Variants in TTN observed in about 807,000 individuals in gnomAD.
The protein encoded by TTN is titin, also known as connectin.
A neutral mutation model predicts 3,223.0 loss-of-function variants in TTN; 1,525 were observed. The ratio of observed to expected loss-of-function variants is 0.47; its 90% confidence interval spans 0.45 to 0.49. The LOEUF (loss-of-function observed/expected upper bound fraction) is 0.49. Among genes scored for constraint, TTN ranks in the 20% least tolerant of loss-of-function variants. The probability of loss-of-function intolerance (pLI) is 0.00; values close to 1 mark genes in which losing one functional copy is unlikely to be tolerated. For missense variants in TTN, 40,786 were observed against 43,424.0 expected, an observed-to-expected ratio of 0.94 and a Z score of 5.40; for synonymous variants, 14,094 against 15,161.0, an observed-to-expected ratio of 0.93 and a Z score of 5.17.
rs2073188841 is a variant in TTN at position 178,694,421 on chromosome 2, GATA to G, written c.31426+175_31426+177del. 3 of 505,158 alleles carry G rather than the reference GATA, an allele frequency of 5.9e-6. No homozygotes were observed. In the South Asian group the frequency reaches 1.2e-4, roughly 20 times the overall value. 31.3% of individuals were successfully genotyped at this position (505,158 alleles called of 1,614,324 possible). ...TTTAAGCAGAACTAGAAACAAAGTAGATAATGTTACTATTTAAATTAAACATAT... is the reference window on the plus strand; with the variant it reads ...TTTAAGCAGAACTAGAAACAAAGTAGATGTTACTATTTAAATTAAACATAT... On this transcript the variant is annotated intron_variant, in intron 117 of 362. Coordinates refer to ENST00000589042, the MANE Select transcript of TTN (RefSeq NM_001267550.2).
At position 178,584,537 on chromosome 2, in the gene TTN, T is replaced by A; in HGVS notation, c.65014A>T (p.Asn21672Tyr). 1 of 1,612,864 alleles carries A rather than the reference T, an allele frequency of 6.2e-7. No homozygotes were observed. Among genetic ancestry groups the A allele is most frequent in the South Asian group, 1.1e-5 (1 of 91,004 alleles). ...EPKNARVTKV[N>Y]KDCIFVAWDR... The stretch of plus-strand genomic sequence containing the variant: ...CAAGCAACAAAAATACAGTCCTTGT[T>A]GACTTTGGTGACTCGTGCATTCTTT... The change falls in exon 311 of 363, where the codon AAC becomes TAC. Residue 21672 changes from asparagine (N) to tyrosine (Y), a missense_variant. By Grantham distance (143) the Asn-to-Tyr change is moderately radical (BLOSUM62 -2). Transcript: ENST00000589042.
In TTN at chr2:178,574,080, T is replaced by C; in HGVS notation, c.72052A>G (p.Ile24018Val). 2 of 1,613,410 alleles carry C rather than the reference T, an allele frequency of 1.2e-6. No individual in the cohort carries two copies. The highest frequency in any genetic ancestry group is 1.7e-6 in the Non-Finnish European group (2 of 1,179,504). Residue 24018 changes from isoleucine to valine, a missense_variant, in exon 326 of 363, where the codon ATC (isoleucine) becomes GTC (valine). Transcript: ENST00000589042. ...ISPPSEPSDA[I>V]TCRDDVEAPK... ...GCCTCAACATCATCCCTGCAAGTGA[T>C]AGCATCAGATGGCTCAGATGGTGGA...
chr2:178,733,523 A>G lies in TTN; in HGVS notation c.15776-6T>C. ...CTCAATGATTTTGGCAGGTTCTACA[A>G]TGGTATGAAATAGTTAGCACCCTAA... On this transcript the variant is annotated splice_polypyrimidine_tract_variant and splice_region_variant and intron_variant, in intron 53 of 362. Coordinates refer to ENST00000589042, the MANE Select transcript of TTN (RefSeq NM_001267550.2). 6.2e-7 allele frequency: 1 copy of G among 1,606,284 alleles called. No homozygotes were observed. The highest frequency in any genetic ancestry group is 8.5e-7 in the Non-Finnish European group (1 of 1,175,034).
At position 178,715,056 on chromosome 2, in the gene TTN, A is replaced by C; in HGVS notation, c.26130T>G (p.Ile8710Met). The change falls in exon 90 of 363, where the codon ATT (isoleucine) becomes ATG (methionine). Residue 8710 changes from isoleucine (I) to methionine (M), a missense_variant. Transcript: ENST00000589042. ...IHILNVDAAD[I>M]GEYQCKATND... ...TTGTGGCTTTACACTGATATTCCCC[A>C]ATGTCTGCAGCATCGACATTCAGGA... The C allele has an allele frequency of 6.2e-7, 1 of 1,613,646 alleles. No individual in the cohort carries two copies. The highest frequency in any genetic ancestry group is 8.5e-7 in the Non-Finnish European group (1 of 1,179,676).
chr2:178,546,463 TCACCGTGTAATCGGGCATC>T lies in TTN; in HGVS notation c.94849_94867del (p.Asp31617IlefsTer34). The T allele has an allele frequency of 6.2e-7, 1 of 1,613,560 alleles. No individual in the cohort carries two copies. The highest frequency in any genetic ancestry group is 8.5e-7 in the Non-Finnish European group (1 of 1,179,640). ...AGAACCTGCTCTGATGGTAACCAGA[TCACCGTGTAATCGGGCATC>T]CAGTTCGGCTTTGGGTGGAGCTGTC... On this transcript the variant is annotated frameshift_variant, in exon 342 of 363. Coordinates refer to ENST00000589042, the MANE Select transcript of TTN (RefSeq NM_001267550.2). LOFTEE classifies it high-confidence loss of function.
rs1466577796 is a variant in TTN at position 178,563,258 on chromosome 2, C to A, written c.82874G>T (p.Gly27625Val). ...DEWTTCTPPT[G>V]LQGKQFTVTK... ...CACTGTGAACTGCTTTCCTTGTAAT[C>A]CTGTTGGTGGAGTGCAGGTTGTCCA... Residue 27625 changes from glycine (G) to valine (V), a missense_variant, in exon 326 of 363, where the codon GGA (glycine) becomes GTA (valine). Coordinates refer to ENST00000589042, the MANE Select transcript of TTN (RefSeq NM_001267550.2). The surrounding 1 kb of genome is among the most constrained non-coding windows in gnomAD (Gnocchi z 4.5). 3 of 1,613,676 alleles carry A rather than the reference C, an allele frequency of 1.9e-6. No individual in the cohort carries two copies. Among genetic ancestry groups the A allele is most frequent in the East Asian group, 4.5e-5 (2 of 44,816 alleles).
intron 151 of TTN, 93 bp from the exon 152 acceptor site, chr2:178,673,803 C>A: frequency 3.3e-6 from 3 of 922,228 alleles, no homozygotes; most frequent in East Asian, 2.8e-5. Context: ...AAAACATTGA[C>A]TTATTTTTAA....
rs1692691503 is a variant in TTN, at chr2:178,538,396, A to G, written c.99289+144T>C. 4 of 755,344 alleles carry G rather than the reference A, an allele frequency of 5.3e-6. No individual in the cohort carries two copies. In the African/African-American group the frequency reaches 5.3e-5, roughly 10 times the overall value. 46.8% of individuals were successfully genotyped at this position (755,344 alleles called of 1,614,324 possible). On this transcript the variant is annotated intron_variant, in intron 354 of 362. Coordinates refer to ENST00000589042, the MANE Select transcript of TTN (RefSeq NM_001267550.2). ...GGAATGGTTTCCTGTAGAACTTGTC[A>G]TATTTCCTGTGTGTGTACTTGCTTT...
Position 178,592,657 on chromosome 2 carries a change from G to C in TTN, c.59348C>G (p.Pro19783Arg), listed in dbSNP as rs1302062003. The change falls in exon 301 of 363, where the codon CCC (proline) becomes CGC (arginine). Residue 19783 changes from proline (P) to arginine (R), a missense_variant. By Grantham distance (103) the Pro-to-Arg change is moderately radical. Coordinates refer to ENST00000589042, the MANE Select transcript of TTN (RefSeq NM_001267550.2). ...EPVLVKDRLEPPELILDANMA... is the reference protein window; with the variant it reads ...EPVLVKDRLERPELILDANMA... ...GTTGGCATCAAGAATCAACTCAGGG[G>C]GTTCTAGAATAAAGAGAACAGAACA... 1.2e-6 allele frequency: 2 copies of C among 1,612,606 alleles called. No homozygotes were observed. Among genetic ancestry groups the C allele is most frequent in the Non-Finnish European group, 1.7e-6 (2 of 1,179,386 alleles).
chr2:178,623,081 C>T (rs778474914), intron 242 of TTN, among the ~76,000 whole-genome samples: 2 of 151,848 alleles, frequency 1.3e-5, no homozygotes, highest in African/African-American at 2.4e-5. Flanking sequence ...TTCATTTGCA[C>T]TGCACCAGAC....
intron 228 of TTN, 59 bp downstream of exon 228, chr2:178,635,106 C>T (rs2060271237): frequency 6.3e-7 from 1 of 1,595,554 alleles, no homozygotes. Context: ...GATATAGATC[C>T]TGAATATTGG....
At chr2:178,698,278 C>T (rs2074084482) in intron 112 of TTN, among the ~76,000 whole-genome samples, 1 of 139,124 alleles carries the variant, frequency 7.2e-6, no homozygotes, top group Non-Finnish European at 1.5e-5. Context: ...AAATCTTAGA[C>T]AGAAGAAACA....
Position 178,776,670 on chromosome 2 carries a change from G to A in TTN, c.5194C>T (p.Pro1732Ser), listed in dbSNP as rs1375104988. 1 of 1,613,964 alleles carries A rather than the reference G, an allele frequency of 6.2e-7. No individual in the cohort carries two copies. The highest frequency in any genetic ancestry group is 1.3e-5 in the African/African-American group (1 of 74,926). Residue 1732 changes from proline to serine, a missense_variant, in exon 28 of 363, where the codon CCA (proline) becomes TCA (serine). By Grantham distance (74) the Pro-to-Ser change is moderately conservative (BLOSUM62 -1). Coordinates refer to ENST00000589042, the MANE Select transcript of TTN (RefSeq NM_001267550.2). ...FECRLTPIGD[P>S]TMVVEWLHDG... ...TGGAGCCACTCCACCACCATCGTTG[G>A]GTCACCAATGGGTGTTAGCCTGCAT...
At chr2:178,528,014 G>C (rs1687232995) in intron 361 of TTN, 1 of 548,832 alleles carries the variant, frequency 1.8e-6, no homozygotes, top group Non-Finnish European at 3.1e-6. Flanking sequence ...TAGTCATATA[G>C]AAAGTAATTG....
In TTN at chr2:178,732,520, G is replaced by T. The variant is rs2080735339; in HGVS notation, c.16541C>A (p.Thr5514Asn). ...ACATGTGTACGTGCCCGAATCAGAG[G>T]TTTTTACTAAATAGAGTTCCAGGGA... Reference protein sequence around the residue: ...ESSLELYLVKTSDSGTYTCKV... With the variant: ...ESSLELYLVKNSDSGTYTCKV... The change falls in exon 56 of 363, where the codon ACC (threonine) becomes AAC (asparagine). Residue 5514 changes from threonine to asparagine, a missense_variant. Coordinates refer to ENST00000589042, the MANE Select transcript of TTN (RefSeq NM_001267550.2). 6.2e-7 allele frequency: 1 copy of T among 1,613,588 alleles called. No individual in the cohort carries two copies. Among genetic ancestry groups the T allele is most frequent in the African/African-American group, 1.3e-5 (1 of 74,906 alleles).
chr2:178,805,354 A>G (rs1006561977), intron 1 of TTN, among the ~76,000 whole-genome samples: 2 of 151,696 alleles, frequency 1.3e-5, no homozygotes, highest in African/African-American at 4.8e-5. Flanking sequence ...AAAAAAAAAA[A>G]AAAAAAAAAA....
In TTN at chr2:178,681,719, AGGGATAGGCTTCTCT is replaced by A; in HGVS notation, c.33099_33113del (p.Glu11034_Pro11038del). ...CTGGTTCTTCTGGGACAGGCTTTACAGGGATAGGCTTCTCTGGTTCTTTAAAAGTACATACAAGGT... is the reference window on the plus strand; with the variant it reads ...CTGGTTCTTCTGGGACAGGCTTTACAGGTTCTTTAAAAGTACATACAAGGT... On this transcript the variant is annotated inframe_deletion, in exon 136 of 363. Transcript: ENST00000589042. The A allele has an allele frequency of 6.2e-7, 1 of 1,601,458 alleles. No homozygotes were observed. The highest frequency in any genetic ancestry group is 8.5e-7 in the Non-Finnish European group (1 of 1,176,846).
Position 178,577,276 on chromosome 2 carries a change from A to C in TTN, c.69059T>G (p.Ile23020Ser). 1 of 1,612,886 alleles carries C rather than the reference A, an allele frequency of 6.2e-7. No homozygotes were observed. The highest frequency in any genetic ancestry group is 1.1e-5 in the South Asian group (1 of 91,034). The change falls in exon 324 of 363, where the codon ATC (isoleucine) becomes AGC (serine). Residue 23020 changes from isoleucine (I) to serine (S), a missense_variant. Coordinates refer to ENST00000589042, the MANE Select transcript of TTN (RefSeq NM_001267550.2). ...CGTGCCAAAAGGATTGGTAGCAGTGATGGTATATTCACCCGCATCTTTTCT... is the reference window on the plus strand; with the variant it reads ...CGTGCCAAAAGGATTGGTAGCAGTGCTGGTATATTCACCCGCATCTTTTCT... ...ATRKDAGEYT[I>S]TATNPFGTKV...
Position 178,688,660 on chromosome 2 carries a change from G to A in TTN, c.32197+17C>T. The A allele has an allele frequency of 6.4e-7, 1 of 1,570,050 alleles. No homozygotes were observed. Among genetic ancestry groups the A allele is most frequent in the South Asian group, 1.1e-5 (1 of 90,172 alleles). ...ACACACACAAACTCATTTATCCCCT[G>A]ACTTCCGATTATATACCTTCGTGCC... On this transcript the variant is annotated intron_variant, in intron 126 of 362. Transcript: ENST00000589042.
Sources: gnomAD v4.1 joint callset for allele counts (sites outside exome capture counted in the v4.1 genomes callset) on GRCh38, gnomAD v4.1.1 for gene constraint, Gnocchi (gnomAD v3.1) non-coding constraint, MANE v1.5 for transcripts, NCBI Gene and HGNC (gene_info 2026-07-23, HGNC 2026-07-21) for gene names.